Variants in PKN2 observed in about 807,000 individuals in gnomAD.
PKN2 encodes the protein protein kinase N2.
A neutral mutation model predicts 119.1 loss-of-function variants in PKN2; 38 were observed. That is an observed-to-expected ratio of 0.32 (90% CI 0.25 to 0.42). The LOEUF (loss-of-function observed/expected upper bound fraction) is 0.42. Ranked by LOEUF, PKN2 falls within the 10% of genes least tolerant of loss-of-function variation. The pLI is 1.00. For synonymous variants in PKN2, 390 were observed against 384.9 expected (o/e 1.01, Z -0.15); for missense variants, 850 against 1,165.1 (o/e 0.73, Z 3.94).
chr1:88,703,025 T>C (rs956813061), intron 1 of PKN2, among the ~76,000 whole-genome samples: 6 of 152,284 alleles, frequency 3.9e-5, no homozygotes, highest in African/African-American at 7.2e-5. Context: ...CTGATGATCT[T>C]ATTATATAAA....
At chr1:88,828,860 A>G (rs181787800) in intron 19 of PKN2, 3 of 601,754 alleles carry the variant, frequency 5.0e-6, no homozygotes, top group East Asian at 6.0e-5. Flanking sequence ...TCAGTATTGT[A>G]CTTTTATTAT....
chr1:88,684,484 T>A lies in PKN2; in HGVS notation c.-97T>A. On this transcript the variant is annotated 5_prime_UTR_variant, in exon 1 of 22. Coordinates refer to ENST00000370521, the MANE Select transcript of PKN2 (RefSeq NM_006256.4). ...CCCTAGTTGTTTTTTTTTTTTTCTTTCTCTCCCCTCTCCTCACCCCCACCC... is the reference window on the plus strand; with the variant it reads ...CCCTAGTTGTTTTTTTTTTTTTCTTACTCTCCCCTCTCCTCACCCCCACCC... 1 of 990,212 alleles carries A rather than the reference T, an allele frequency of 1.0e-6. No homozygotes were observed. The highest frequency in any genetic ancestry group is 1.4e-6 in the Non-Finnish European group (1 of 690,648). 61.3% of individuals were successfully genotyped at this position (990,212 alleles called of 1,614,324 possible). A position where few individuals can be genotyped will look rare whatever the true frequency, so the allele number is the denominator to read the frequency against.
intron 1 of PKN2, among the ~76,000 whole-genome samples, chr1:88,724,297 G>A (rs555658720): frequency 6.9e-4 from 105 of 152,172 alleles, no homozygotes; most frequent in African/African-American, 2.5e-3. Context: ...ATATTCATTA[G>A]TTCCACAGTA....
intron 6 of PKN2, 118 bp downstream of exon 6, chr1:88,771,997 G>A (rs1190038346): frequency 1.5e-6 from 1 of 663,120 alleles, no homozygotes; most frequent in Non-Finnish European, 2.6e-6. Context: ...GATACACATA[G>A]AATAAAATTT....
chr1:88,794,355 G>A (rs898861117), intron 8 of PKN2, among the ~76,000 whole-genome samples: 11 of 138,272 alleles, frequency 8.0e-5, no homozygotes, highest in South Asian at 2.3e-4. Flanking sequence ...CAACAAGAGC[G>A]AAATTCTGTC....
chr1:88,832,641 TTTTTTC>T (rs1672778087), intron 19 of PKN2, 97 bp from the exon 20 acceptor site: 2 of 634,084 alleles, frequency 3.2e-6, no homozygotes, highest in African/African-American at 1.8e-5. Flanking sequence ...GTTTTGTCTG[TTTTTTC>T]TTTTTCACTG....
At chr1:88,751,135 C>T (rs1668975238) in intron 2 of PKN2, among the ~76,000 whole-genome samples, 1 of 152,052 alleles carries the variant, frequency 6.6e-6, no homozygotes. Context: ...TTTTTTTCCC[C>T]TATCCCTATG....
intron 8 of PKN2, among the ~76,000 whole-genome samples, chr1:88,793,555 A>G (rs927510959): frequency 6.6e-6 from 1 of 152,032 alleles, no homozygotes; most frequent in African/African-American, 2.4e-5. Flanking sequence ...TTCATTAAGG[A>G]TGACTTTTAT....
chr1:88,825,379 T>C (rs1458578935), intron 18 of PKN2, among the ~76,000 whole-genome samples: 1 of 152,178 alleles, frequency 6.6e-6, no homozygotes, highest in Non-Finnish European at 1.5e-5. Context: ...ATTCCAAAGA[T>C]ATATATTCAA....
intron 1 of PKN2, among the ~76,000 whole-genome samples, chr1:88,723,771 A>G (rs937878494): frequency 1.1e-4 from 17 of 152,182 alleles, no homozygotes; most frequent in African/African-American, 3.9e-4. Flanking sequence ...AGTTATCAAA[A>G]TTCTATTTTA....
intron 2 of PKN2, among the ~76,000 whole-genome samples, chr1:88,741,914 AT>A (rs1668593328): frequency 6.6e-6 from 1 of 152,062 alleles, no homozygotes; most frequent in Non-Finnish European, 1.5e-5. Flanking sequence ...TTATGTTGGA[AT>A]TTTTTTAATG....
At chr1:88,826,485 T>TAAATTGCATAGTGA (rs1553159852) in intron 18 of PKN2, among the ~76,000 whole-genome samples, 1 of 152,126 alleles carries the variant, frequency 6.6e-6, no homozygotes, top group Non-Finnish European at 1.5e-5. Flanking sequence ...GTTACATGCA[T>TAAATTGCATAGTGA]AAATTGCATA....
chr1:88,805,393 G>T, intron 10 of PKN2, 104 bp from the exon 11 acceptor site: 1 of 1,046,780 alleles, frequency 9.6e-7, no homozygotes, highest in Admixed American at 3.1e-5. Context: ...AATTTTGTTT[G>T]TTCTTCGTAG....
intron 3 of PKN2, among the ~76,000 whole-genome samples, chr1:88,769,990 T>C (rs1424163131): frequency 2.0e-5 from 3 of 152,300 alleles, no homozygotes; most frequent in East Asian, 1.9e-4. Flanking sequence ...CTGTAGAAGG[T>C]GATGGGTCAG....
At chr1:88,783,691 C>T (rs1182580193) in intron 6 of PKN2, among the ~76,000 whole-genome samples, 1 of 152,126 alleles carries the variant, frequency 6.6e-6, no homozygotes, top group African/African-American at 2.4e-5. Context: ...TATTTAAATT[C>T]TAGTATACTG....
At chr1:88,689,649 A>G (rs757811378) in intron 1 of PKN2, among the ~76,000 whole-genome samples, 7 of 152,246 alleles carry the variant, frequency 4.6e-5, no homozygotes, top group Middle Eastern at 3.4e-3. Flanking sequence ...TGTCTCTACT[A>G]AAAATACAAA....
At chr1:88,782,470 G>C (rs1670383991) in intron 6 of PKN2, among the ~76,000 whole-genome samples, 1 of 151,792 alleles carries the variant, frequency 6.6e-6, no homozygotes, top group Non-Finnish European at 1.5e-5. Flanking sequence ...GCCACTTGAA[G>C]TTAAACTCAC....
intron 1 of PKN2, among the ~76,000 whole-genome samples, chr1:88,736,634 C>T (rs1668360814): frequency 6.6e-6 from 1 of 152,140 alleles, no homozygotes; most frequent in South Asian, 2.1e-4. Flanking sequence ...CAGTTGTTGG[C>T]GTGAGCCACT....
chr1:88,692,512 C>T (rs1666373427), intron 1 of PKN2, among the ~76,000 whole-genome samples: 1 of 152,126 alleles, frequency 6.6e-6, no homozygotes, highest in African/African-American at 2.4e-5. Flanking sequence ...TTTGGTTATC[C>T]ATCCTCTCCA....
Sources: gnomAD v4.1 joint callset for allele counts (sites outside exome capture counted in the v4.1 genomes callset) on GRCh38, gnomAD v4.1.1 for gene constraint, MANE v1.5 for transcripts, NCBI Gene and HGNC (gene_info 2026-07-23, HGNC 2026-07-21) for gene names.